GLB1L3: variants seen among roughly 807,000 people sequenced by gnomAD.
GLB1L3 encodes the protein beta-galactosidase-1-like protein 3.
A neutral mutation model predicts 89.5 loss-of-function variants in GLB1L3; 89 were observed. The observed-to-expected ratio is 0.99, with a 90% CI of 0.84 to 1.19. The LOEUF (loss-of-function observed/expected upper bound fraction) is 1.19, where lower values mean the gene tolerates loss of function less well. Ranked by LOEUF, GLB1L3 falls within the 50% of genes most tolerant of loss-of-function variation. The pLI is 0.00. For synonymous variants in GLB1L3, 314 were observed against 312.3 expected, an observed-to-expected ratio of 1.01 and a Z score of -0.06; for missense variants, 812 against 813.3, an observed-to-expected ratio of 1.00 and a Z score of 0.02.
intron 5 of GLB1L3, among the ~76,000 whole-genome samples, chr11:134,282,515 C>G (rs959621389): frequency 6.6e-6 from 1 of 152,182 alleles, no homozygotes; most frequent in Non-Finnish European, 1.5e-5. Flanking sequence ...TTAAGGCCTG[C>G]AAGGGAAGGT....
intron 4 of GLB1L3, among the ~76,000 whole-genome samples, chr11:134,281,823 C>A (rs2136111070): frequency 6.9e-6 from 1 of 145,624 alleles, no homozygotes; most frequent in East Asian, 2.0e-4. Context: ...CTCCTCAGGC[C>A]CCCGATGGGG....
At position 134,319,188 on chromosome 11, in the gene GLB1L3, T is replaced by G; in HGVS notation, c.*246T>G. The G allele has an allele frequency of 2.3e-6, 1 of 433,098 alleles. No homozygotes were observed. The highest frequency in any genetic ancestry group is 4.2e-6 in the Non-Finnish European group (1 of 239,402). The allele number at this position is 433,098 out of a possible 1,614,324, so 26.8% of individuals were successfully genotyped here. The stretch of plus-strand genomic sequence containing the variant: ...CCAGGATGGTCCCAATCTCCTGACC[T>G]TGTGATCTGCTCTCCTCAGCCTCCC... On this transcript the variant is annotated 3_prime_UTR_variant, in exon 20 of 20. Transcript: ENST00000431683.
At chr11:134,308,475 TACCACCACCACCATCACCACCAAATAC>T (rs1942479637) in intron 10 of GLB1L3, among the ~76,000 whole-genome samples, 18 of 20,354 alleles carry the variant, frequency 8.8e-4, no homozygotes, top group Non-Finnish European at 7.5e-4. Flanking sequence ...CACCACCAAA[TACCACCACCACCATCACCACCAAATAC>T]CACCACCACC....
chr11:134,286,804 A>G (rs1941023485), intron 6 of GLB1L3, among the ~76,000 whole-genome samples: 1 of 144,124 alleles, frequency 6.9e-6, no homozygotes, highest in South Asian at 2.2e-4. Context: ...ATAAATAAGA[A>G]ATAGACATGC....
In GLB1L3 at chr11:134,307,235, A is replaced by G. The variant is rs200053201; in HGVS notation, c.961+27A>G. The G allele has an allele frequency of 9.5e-5, 145 of 1,527,928 alleles. No homozygotes were observed. In the East Asian group the frequency reaches 2.9e-3, roughly 30 times the overall value. 94.6% of individuals were successfully genotyped at this position (1,527,928 alleles called of 1,614,324 possible). On this transcript the variant is annotated intron_variant, in intron 10 of 19. Transcript: ENST00000431683. Reference sequence around the variant, plus strand: ...TGAGTGTTTTGCAGTGTTTGACTCCAGGAAGAGATGGCCCCAGGTCCCATG... The same window carrying G: ...TGAGTGTTTTGCAGTGTTTGACTCCGGGAAGAGATGGCCCCAGGTCCCATG...
intron 9 of GLB1L3, among the ~76,000 whole-genome samples, chr11:134,299,209 C>T (rs919061445): frequency 1.3e-5 from 2 of 151,784 alleles, no homozygotes; most frequent in African/African-American, 2.4e-5. Context: ...TCTGATCTTG[C>T]ATGCTGTCTT....
At chr11:134,306,297 T>C (rs1381669265) in intron 9 of GLB1L3, among the ~76,000 whole-genome samples, 1 of 152,232 alleles carries the variant, frequency 6.6e-6, no homozygotes, top group Non-Finnish European at 1.5e-5. Flanking sequence ...ACTTAGAATT[T>C]TATACCCAAT....
chr11:134,309,597 T>C, intron 10 of GLB1L3, 29 bp from the exon 11 acceptor site: 13 of 1,533,982 alleles, frequency 8.5e-6, no homozygotes, highest in Non-Finnish European at 1.1e-5. Context: ...TTTCTAACAT[T>C]CTCTGTGTTC....
At chr11:134,293,237 T>C (rs199518305) in intron 9 of GLB1L3, 28 bp downstream of exon 9, 176 of 1,572,998 alleles carry the variant, frequency 1.1e-4, no homozygotes, top group Middle Eastern at 6.7e-4. Flanking sequence ...GGCAGGGTTT[T>C]ACAGCTCCTC....
In GLB1L3 at chr11:134,314,034, C is replaced by T. The variant is rs1942873797; in HGVS notation, c.1667+6C>T. The T allele has an allele frequency of 6.3e-7, 1 of 1,587,014 alleles. No homozygotes were observed. ...AAAATGAGCTTCTTTGAGAGGTATG[C>T]TCCAGCTGGCCCCCAGTGCACACTT... On this transcript the variant is annotated splice_donor_region_variant and intron_variant, in intron 17 of 19. Transcript: ENST00000431683.
chr11:134,284,813 AAAAT>A (rs1303298897), intron 6 of GLB1L3, among the ~76,000 whole-genome samples: 4 of 152,122 alleles, frequency 2.6e-5, no homozygotes, highest in Admixed American at 2.6e-4. Context: ...ATGTTGTAAA[AAAAT>A]AACTTGCACC....
rs369647798 is a variant in GLB1L3 at position 134,312,867 on chromosome 11, C to G, written c.1480C>G (p.Leu494Val). 11 of 1,608,694 alleles carry G rather than the reference C, an allele frequency of 6.8e-6. No homozygotes were observed. The highest frequency in any genetic ancestry group is 1.3e-5 in the African/African-American group (1 of 74,832). The change falls in exon 15 of 20, where the codon CTG becomes GTG. Residue 494 changes from leucine (L) to valine (V), a missense_variant. Physicochemically the swap from Leu to Val is conservative, Grantham distance 32. Around this residue, in one of 3 missense-constraint regions of GLB1L3, gnomAD observed 618 missense variants for 604.0 expected, o/e 1.02. Coordinates refer to ENST00000431683, the MANE Select transcript of GLB1L3 (RefSeq NM_001080407.3). ...GATTCTGAATGAGAATAATAAGGACCTGCACATTCCTGAACTCAGGGTATG... is the reference window on the plus strand; with the variant it reads ...GATTCTGAATGAGAATAATAAGGACGTGCACATTCCTGAACTCAGGGTATG... ...IGILNENNKDLHIPELRDCRY... is the reference protein window; with the variant it reads ...IGILNENNKDVHIPELRDCRY...
Position 134,277,339 on chromosome 11 carries a change from T to C in GLB1L3, c.37T>C (p.Trp13Arg). The change falls in exon 2 of 20, where the codon TGG becomes CGG. Residue 13 changes from tryptophan (W) to arginine (R), a missense_variant. Transcript: ENST00000431683. ...TTCTCCTTTCAGCCCGTGTCTCTCCTGGAAGAGAATGGCGGGCATCTTTTT... is the reference window on the plus strand; with the variant it reads ...TTCTCCTTTCAGCCCGTGTCTCTCCCGGAAGAGAATGGCGGGCATCTTTTT... ...SPPLLSPCLS[W>R]KRMAGIFFLP... 6.2e-7 allele frequency: 1 copy of C among 1,613,974 alleles called. No individual in the cohort carries two copies. The highest frequency in any genetic ancestry group is 1.1e-5 in the South Asian group (1 of 91,090).
At chr11:134,308,489 TCACCACCAAATACCACCAC>T (rs1942486731) in intron 10 of GLB1L3, among the ~76,000 whole-genome samples, 1 of 6,108 alleles carries the variant, frequency 1.6e-4, no homozygotes, top group Admixed American at 1.9e-3. Context: ...ACCACCACCA[TCACCACCAAATACCACCAC>T]CACCACCACC....
intron 16 of GLB1L3, 96 bp downstream of exon 16, chr11:134,313,570 G>T: frequency 9.6e-7 from 1 of 1,046,872 alleles, no homozygotes; most frequent in Non-Finnish European, 1.4e-6. Context: ...GAAACCAGCC[G>T]CTCAGCAGTG....
chr11:134,297,972 C>T (rs1057080230), intron 9 of GLB1L3, among the ~76,000 whole-genome samples: 3 of 151,196 alleles, frequency 2.0e-5, no homozygotes, highest in Non-Finnish European at 4.4e-5. Flanking sequence ...TAGGATTGTA[C>T]AATAGTGTCT....
At chr11:134,312,914 GCCCTCGACC>G in intron 15 of GLB1L3, 27 bp downstream of exon 15, 2 of 1,463,632 alleles carry the variant, frequency 1.4e-6, no homozygotes, top group Non-Finnish European at 1.9e-6. Flanking sequence ...TCCAGGTGAT[GCCCTCGACC>G]CCCCTCAAAT....
chr11:134,297,724 G>T (rs1465618621), intron 9 of GLB1L3, among the ~76,000 whole-genome samples: 1 of 151,908 alleles, frequency 6.6e-6, no homozygotes, highest in African/African-American at 2.4e-5. Flanking sequence ...GCTGGGCATG[G>T]TGGTGGGTGC....
intron 6 of GLB1L3, among the ~76,000 whole-genome samples, chr11:134,285,913 T>TG (rs920175735): frequency 1.3e-5 from 2 of 151,088 alleles, no homozygotes; most frequent in African/African-American, 4.9e-5. Context: ...GTTCTGTTTT[T>TG]TTTTTTTTTT....
Sources: gnomAD v4.1 joint callset for allele counts (sites outside exome capture counted in the v4.1 genomes callset) on GRCh38, gnomAD v4.1.1 for gene constraint, gnomAD v4.1.1 regional missense constraint, MANE v1.5 for transcripts, NCBI Gene and HGNC (gene_info 2026-07-23, HGNC 2026-07-21) for gene names.